Variants in NSRP1 observed in about 807,000 individuals in gnomAD.
The protein encoded by NSRP1 is coiled-coil domain containing 55.
A neutral mutation model predicts 54.7 loss-of-function variants in NSRP1; 24 were observed. That is an observed-to-expected ratio of 0.44 (90% CI 0.32 to 0.62). NSRP1 has a LOEUF of 0.62. Among genes scored for constraint, NSRP1 ranks in the 20% least tolerant of loss-of-function variants. The pLI is 0.06. For missense variants in NSRP1, 596 were observed against 651.2 expected (o/e 0.92, Z 0.92); for synonymous variants, 210 against 213.8 (o/e 0.98, Z 0.15).
chr17:30,174,773 C>T (rs1284190077), intron 3 of NSRP1, among the ~76,000 whole-genome samples: 2 of 152,156 alleles, frequency 1.3e-5, no homozygotes, highest in Admixed American at 1.3e-4. Flanking sequence ...GTCAGCTTAA[C>T]TTTAGAAAAT....
At chr17:30,124,848 G>A (rs770565968) in intron 2 of NSRP1, among the ~76,000 whole-genome samples, 5 of 152,210 alleles carry the variant, frequency 3.3e-5, no homozygotes, top group Non-Finnish European at 5.9e-5. Flanking sequence ...AAATCAGTCT[G>A]GTTAATTCCA....
chr17:30,178,464 T>C (rs1312346229), intron 4 of NSRP1, among the ~76,000 whole-genome samples: 1 of 152,202 alleles, frequency 6.6e-6, no homozygotes, highest in Admixed American at 6.5e-5. Flanking sequence ...CTTGGAATTC[T>C]AATGTACCAA....
Position 30,172,617 on chromosome 17 carries a change from A to C in NSRP1, c.171+19A>C. On this transcript the variant is annotated intron_variant, in intron 3 of 6. Transcript: ENST00000247026. ...GAAACAGGTAAGGTAGAAGACTGGG[A>C]TAAGTGCATTCAGTGAAGCATTCCG... 1 of 1,598,972 alleles carries C rather than the reference A, an allele frequency of 6.3e-7. No homozygotes were observed.
At chr17:30,135,470 TG>T (rs2071741764) in intron 2 of NSRP1, among the ~76,000 whole-genome samples, 1 of 149,630 alleles carries the variant, frequency 6.7e-6, no homozygotes, top group Non-Finnish European at 1.5e-5. Context: ...ACCAGTTTTT[TG>T]TTTTGTTTTG....
intron 3 of NSRP1, among the ~76,000 whole-genome samples, chr17:30,173,311 A>G (rs1006954670): frequency 4.6e-5 from 7 of 152,144 alleles, no homozygotes; most frequent in Admixed American, 3.9e-4. Context: ...TTTTACATAC[A>G]TTTATCTTTT....
intron 2 of NSRP1, among the ~76,000 whole-genome samples, chr17:30,137,604 T>G (rs1351706122): frequency 3.3e-5 from 5 of 152,238 alleles, no homozygotes; most frequent in Non-Finnish European, 7.3e-5. Context: ...GCCTTGAGAC[T>G]TTGGTGATGT....
rs140981414 is a variant in NSRP1 at position 30,147,666 on chromosome 17, T to C, written c.115-24876T>C. On this transcript the variant is annotated intron_variant, in intron 2 of 6. Transcript: ENST00000247026. ...TTTTAGTAGAGACGGGGTTTCACCA[T>C]GTTAGCCATGATGGTCTCAATCTCC... is the stretch of plus-strand genomic sequence containing the variant. 5.1e-3 allele frequency among the ~76,000 whole-genome samples: 769 copies of C among 151,862 alleles called. 7 individuals are homozygous for C. The highest frequency in any genetic ancestry group is 0.018 in the African/African-American group (731 of 41,386).
In NSRP1 at chr17:30,183,491, A is replaced by G. The variant is rs142390521; in HGVS notation, c.618-1124A>G. On this transcript the variant is annotated intron_variant, in intron 6 of 6. Transcript: ENST00000247026. ...GGAATATTTATTAGGCTGCCATGAAACTCTGTAATGTCGTTGACATAGTTG... is the reference window on the plus strand; with the variant it reads ...GGAATATTTATTAGGCTGCCATGAAGCTCTGTAATGTCGTTGACATAGTTG... Among the ~76,000 whole-genome samples the G allele has an allele frequency of 4.9e-3, 742 of 152,216 alleles. 9 individuals are homozygous for G. The highest frequency in any genetic ancestry group is 0.017 in the African/African-American group (708 of 41,518).
At position 30,180,923 on chromosome 17, in the gene NSRP1, C is replaced by G; in HGVS notation, c.524C>G (p.Thr175Ser). The change falls in exon 6 of 7, where the codon ACC becomes AGC. Residue 175 changes from threonine (T) to serine (S), a missense_variant. Physicochemically the swap from Thr to Ser is moderately conservative, Grantham distance 58 (BLOSUM62 1). Coordinates refer to ENST00000247026, the MANE Select transcript of NSRP1 (RefSeq NM_032141.4). Reference sequence around the variant, plus strand: ...CCTCTGTTAGCATGTTTGGATGTAACCAAGCAGAAAGATCTCAGTGGATTT... The same window carrying G: ...CCTCTGTTAGCATGTTTGGATGTAAGCAAGCAGAAAGATCTCAGTGGATTT... ...AAALEACLDVTKQKDLSGFYR... is the reference protein window; with the variant it reads ...AAALEACLDVSKQKDLSGFYR... 1.2e-6 allele frequency: 2 copies of G among 1,611,806 alleles called. No individual in the cohort carries two copies. The highest frequency in any genetic ancestry group is 1.7e-6 in the Non-Finnish European group (2 of 1,178,458).
intron 2 of NSRP1, among the ~76,000 whole-genome samples, chr17:30,123,023 A>C (rs1239022736): frequency 6.7e-6 from 1 of 149,694 alleles, no homozygotes; most frequent in Non-Finnish European, 1.5e-5. Context: ...GGCCTCAAGC[A>C]ATCCTCCTGC....
chr17:30,172,456 C>G, intron 2 of NSRP1, 86 bp from the exon 3 acceptor site: 2 of 964,574 alleles, frequency 2.1e-6, no homozygotes, highest in East Asian at 5.4e-5. Flanking sequence ...CACTTCTGGT[C>G]CCATGTATTT....
intron 2 of NSRP1, among the ~76,000 whole-genome samples, chr17:30,170,868 T>G (rs904458474): frequency 9.2e-5 from 14 of 152,214 alleles, no homozygotes; most frequent in Admixed American, 7.2e-4. Context: ...TTTTCCATAT[T>G]GACTGTACCA....
intron 2 of NSRP1, chr17:30,125,855 T>G (rs2071644969): frequency 6.6e-6 from 1 of 152,136 alleles, no homozygotes; most frequent in South Asian, 2.1e-4. Flanking sequence ...GCCTAGTAGA[T>G]CCTCTTTTTC....
chr17:30,129,279 G>A lies in NSRP1; in HGVS notation c.114+11106G>A, dbSNP rs578005815. Reference sequence around the variant, plus strand: ...GATACAAAATTGAATACTTAGGGTTGTACAATGCTATAGGTGCACAGATAA... The same window carrying A: ...GATACAAAATTGAATACTTAGGGTTATACAATGCTATAGGTGCACAGATAA... On this transcript the variant is annotated intron_variant, in intron 2 of 6. Coordinates refer to ENST00000247026, the MANE Select transcript of NSRP1 (RefSeq NM_032141.4). Among the ~76,000 whole-genome samples the A allele has an allele frequency of 6.6e-5, 10 of 152,026 alleles. No homozygotes were observed. The East Asian group carries it at 1.5e-3, about 23-fold the overall frequency.
rs1905536073 is a variant in NSRP1, at chr17:30,186,273, T to G, written c.*599T>G. The stretch of plus-strand genomic sequence containing the variant: ...GAATGAGACCCTGTCTCTAAAAAAT[T>G]TTTTTTAAATAAATAATTTAACTCT... On this transcript the variant is annotated 3_prime_UTR_variant, in exon 7 of 7. Transcript: ENST00000247026. 6.6e-6 allele frequency: 1 copy of G among 152,134 alleles called. No homozygotes were observed. Among genetic ancestry groups the G allele is most frequent in the Non-Finnish European group, 1.5e-5 (1 of 68,016 alleles). 9.4% of individuals were successfully genotyped at this position (152,134 alleles called of 1,614,324 possible).
intron 2 of NSRP1, among the ~76,000 whole-genome samples, chr17:30,131,608 G>T (rs2071700792): frequency 6.6e-6 from 1 of 152,122 alleles, no homozygotes; most frequent in Non-Finnish European, 1.5e-5. Context: ...TAATGATCAT[G>T]TGAGCCTTTA....
chr17:30,167,946 G>C (rs576157350), intron 2 of NSRP1, among the ~76,000 whole-genome samples: 1 of 152,250 alleles, frequency 6.6e-6, no homozygotes, highest in Admixed American at 6.5e-5. Context: ...TCATACCTCA[G>C]CTTTACGTTT....
At chr17:30,120,495 A>G (rs916359526) in intron 2 of NSRP1, among the ~76,000 whole-genome samples, 9 of 152,226 alleles carry the variant, frequency 5.9e-5, no homozygotes, top group Admixed American at 4.6e-4. Context: ...TTTTGCATCT[A>G]TATAGCCTAT....
intron 2 of NSRP1, chr17:30,163,064 TAG>T (rs1904578864): frequency 6.6e-6 from 1 of 151,966 alleles, no homozygotes; most frequent in Non-Finnish European, 1.5e-5. Flanking sequence ...TTTGTATTTT[TAG>T]TAGAGACGGG....
Sources: allele counts gnomAD v4.1 joint callset (sites outside exome capture counted in the v4.1 genomes callset), GRCh38; gene constraint gnomAD v4.1.1; transcripts MANE v1.5; gene names NCBI Gene and HGNC (gene_info 2026-07-23, HGNC 2026-07-21).